SYT12: variants seen among roughly 807,000 people sequenced by gnomAD.
The protein encoded by SYT12 is synaptotagmin 12.
Under a neutral mutation model 39.5 loss-of-function variants are expected in SYT12, and 27 were observed. That is an observed-to-expected ratio of 0.68 (90% CI 0.50 to 0.94). SYT12 has a LOEUF of 0.94. Among genes scored for constraint, SYT12 ranks in the 40% least tolerant of loss-of-function variants. The pLI is 0.00. For synonymous variants in SYT12, 233 were observed against 239.7 expected, an observed-to-expected ratio of 0.97 and a Z score of 0.26; for missense variants, 536 against 572.6, an observed-to-expected ratio of 0.94 and a Z score of 0.65.
intron 3 of SYT12, among the ~76,000 whole-genome samples, chr11:67,018,002 A>C (rs1287284914): frequency 1.4e-5 from 2 of 142,384 alleles, no homozygotes; most frequent in East Asian, 2.2e-4. Context: ...TGGCTCACAC[A>C]TGTAATCCCA....
intron 3 of SYT12, among the ~76,000 whole-genome samples, chr11:67,012,223 T>C (rs1034162916): frequency 6.6e-6 from 1 of 151,576 alleles, no homozygotes; most frequent in South Asian, 2.1e-4. Context: ...ATACAAAAAT[T>C]AGCCAGGCGT....
chr11:67,048,552 G>C (rs576316576), intron 7 of SYT12, 32 bp from the exon 8 acceptor site: 1 of 1,582,486 alleles, frequency 6.3e-7, no homozygotes, highest in Admixed American at 1.7e-5. Context: ...GACTGCCCCT[G>C]GTCCTCAGCA....
chr11:67,036,795 C>T (rs750101619), intron 3 of SYT12, among the ~76,000 whole-genome samples: 15 of 152,024 alleles, frequency 9.9e-5, no homozygotes, highest in Non-Finnish European at 8.8e-5. Flanking sequence ...AAAAATTGAC[C>T]GGGCACAGTG....
rs1263098479 is a variant in SYT12, at chr11:67,035,521, A to G, written c.228+683A>G. 1.8e-3 allele frequency among the ~76,000 whole-genome samples: 248 copies of G among 138,560 alleles called. 1 individual carries two copies. Among genetic ancestry groups the G allele is most frequent in the African/African-American group, 6.3e-3 (229 of 36,162 alleles). The allele number at this position is 138,560 out of a possible 152,430, so 90.9% of individuals were successfully genotyped here. ...TGCCCAGGCTGGAGTGCAGTGGGGC[A>G]ATCTCGGCTCACTGCAAGCTCCGCC... On this transcript the variant is annotated intron_variant, in intron 3 of 7. Coordinates refer to ENST00000527043, the MANE Select transcript of SYT12 (RefSeq NM_177963.4).
chr11:67,021,071 A>G (rs186493652), upstream of SYT12, among the ~76,000 whole-genome samples: 1 of 152,152 alleles, frequency 6.6e-6, no homozygotes, highest in Admixed American at 6.5e-5. Context: ...TTCTCTTCTT[A>G]GTGGCACAGT....
upstream of SYT12, among the ~76,000 whole-genome samples, chr11:67,018,833 A>G (rs1357807921): frequency 2.6e-5 from 4 of 151,932 alleles, no homozygotes; most frequent in Admixed American, 2.6e-4. Flanking sequence ...AAAAAAAAAA[A>G]GAAAAAGAAA....
At chr11:67,044,447 C>A in intron 5 of SYT12, 146 bp from the exon 6 acceptor site, 1 of 1,081,638 alleles carries the variant, frequency 9.2e-7, no homozygotes, top group Non-Finnish European at 1.3e-6. Flanking sequence ...TCCCTGCCTG[C>A]CTGGAGCCCT....
chr11:67,037,896 A>T (rs1239152700), intron 3 of SYT12, among the ~76,000 whole-genome samples: 7 of 150,514 alleles, frequency 4.7e-5, no homozygotes, highest in African/African-American at 1.7e-4. Flanking sequence ...AAAAAAAAAA[A>T]GAAAAAAAAA....
At chr11:67,015,770 C>T (rs968616971) in intron 3 of SYT12, among the ~76,000 whole-genome samples, 9 of 152,148 alleles carry the variant, frequency 5.9e-5, no homozygotes, top group Non-Finnish European at 7.3e-5. Flanking sequence ...ATATGGTAAA[C>T]GCTGGGATCT....
intron 3 of SYT12, among the ~76,000 whole-genome samples, chr11:67,039,491 G>A (rs1320206526): frequency 6.6e-6 from 1 of 151,838 alleles, no homozygotes; most frequent in Non-Finnish European, 1.5e-5. Flanking sequence ...GCGCACCCCT[G>A]TAATCCCAGC....
rs1204391327 is a variant in SYT12, at chr11:67,045,884, G to A, written c.1092+7G>A. 6.2e-7 allele frequency: 1 copy of A among 1,614,000 alleles called. No individual in the cohort carries two copies. Among genetic ancestry groups the A allele is most frequent in the South Asian group, 1.1e-5 (1 of 91,062 alleles). On this transcript the variant is annotated splice_region_variant and intron_variant, in intron 7 of 7. Transcript: ENST00000527043. ...GCCAGCCATTGTGCTCCAGGTGAGG[G>A]GGGCTGGGGGATGGGAAGGGGCCAG...
chr11:67,034,311 T>C (rs1950320281), intron 2 of SYT12, among the ~76,000 whole-genome samples: 2 of 152,126 alleles, frequency 1.3e-5, no homozygotes, highest in South Asian at 2.1e-4. Flanking sequence ...AATCCAAAAA[T>C]CCAAATCCAA....
upstream of SYT12, among the ~76,000 whole-genome samples, chr11:67,020,722 G>A (rs902355307): frequency 6.6e-6 from 1 of 152,052 alleles, no homozygotes; most frequent in African/African-American, 2.4e-5. Flanking sequence ...TCAGCAGTAC[G>A]TTTGTGAGAT....
chr11:67,014,967 C>T (rs910688881), intron 3 of SYT12, among the ~76,000 whole-genome samples: 6 of 152,150 alleles, frequency 3.9e-5, no homozygotes, highest in African/African-American at 1.2e-4. Context: ...AATATTCCTG[C>T]ATCACGTAGC....
rs571982190 is a variant in SYT12 at position 67,044,000 on chromosome 11, C to T, written c.837+147C>T. The T allele has an allele frequency of 1.7e-4, 135 of 793,928 alleles. 1 individual carries two copies. The highest frequency in any genetic ancestry group is 2.4e-4 in the Non-Finnish European group (123 of 506,564). The allele number at this position is 793,928 out of a possible 1,614,324, so 49.2% of individuals were successfully genotyped here. ...CAGAGAAGAAGACCTGAGCCACATC[C>T]GAGGAAACTGCTTGCTGCAGGCAAA... On this transcript the variant is annotated intron_variant, in intron 5 of 7. Coordinates refer to ENST00000527043, the MANE Select transcript of SYT12 (RefSeq NM_177963.4).
At chr11:67,047,222 T>C (rs1197980633) in intron 7 of SYT12, among the ~76,000 whole-genome samples, 2 of 150,118 alleles carry the variant, frequency 1.3e-5, no homozygotes, top group African/African-American at 4.9e-5. Flanking sequence ...ACTTCGGCCT[T>C]CCAAAGTGCT....
rs1308399192 is a variant in SYT12, at chr11:67,043,644, A to G, written c.628A>G (p.Arg210Gly). ...EQIVGISRIQ[R>G]NAYSIFFDEK... The stretch of plus-strand genomic sequence containing the variant: ...ATGGCCTTTTCTCCTGCAGATCCAG[A>G]GAAATGCCTACTCCATCTTCTTTGA... Residue 210 changes from arginine (R) to glycine (G), a missense_variant, in exon 5 of 8, where the codon AGA becomes GGA. Coordinates refer to ENST00000527043, the MANE Select transcript of SYT12 (RefSeq NM_177963.4). 6.2e-7 allele frequency: 1 copy of G among 1,614,098 alleles called. No individual in the cohort carries two copies. Among genetic ancestry groups the G allele is most frequent in the South Asian group, 1.1e-5 (1 of 91,074 alleles).
At chr11:67,041,301 G>A (rs564224972) in intron 4 of SYT12, among the ~76,000 whole-genome samples, 8 of 152,044 alleles carry the variant, frequency 5.3e-5, no homozygotes, top group Admixed American at 4.6e-4. Context: ...GTGAAACCCC[G>A]TCTCTACTAA....
intron 2 of SYT12, among the ~76,000 whole-genome samples, chr11:67,033,152 T>TC (rs1950302453): frequency 9.1e-6 from 1 of 110,092 alleles, no homozygotes; most frequent in South Asian, 2.8e-4. Flanking sequence ...CCTCCCTCCC[T>TC]CCCCCGGCCA....
Sources: allele counts gnomAD v4.1 joint callset (sites outside exome capture counted in the v4.1 genomes callset), GRCh38; gene constraint gnomAD v4.1.1; transcripts MANE v1.5; gene names NCBI Gene and HGNC (gene_info 2026-07-23, HGNC 2026-07-21).